TG: variants seen among roughly 807,000 people sequenced by gnomAD.
TG encodes the protein thyroid hormones.
Under a neutral mutation model 324.7 loss-of-function variants are expected in TG, and 270 were observed. The observed-to-expected ratio is 0.83, with a 90% CI of 0.75 to 0.92. TG has a LOEUF of 0.92. Ranked by LOEUF, TG falls within the 40% of genes least tolerant of loss-of-function variation. The pLI, the probability that TG is intolerant of heterozygous loss-of-function variation, is 0.00. For missense variants in TG, 3,591 were observed against 3,456.4 expected, an observed-to-expected ratio of 1.04 and a Z score of -0.98; for synonymous variants, 1,401 against 1,327.0, an observed-to-expected ratio of 1.06 and a Z score of -1.21.
At chr8:133,055,365 G>GCACACACA (rs869172140) in intron 41 of TG, among the ~76,000 whole-genome samples, 3 of 62,272 alleles carry the variant, frequency 4.8e-5, no homozygotes, top group East Asian at 3.6e-4. Flanking sequence ...ACGCACGCGC[G>GCACACACA]CACACACACA....
At chr8:132,868,292 C>A (rs1045018668) in intron 2 of TG, 69 bp downstream of exon 2, 3 of 1,410,562 alleles carry the variant, frequency 2.1e-6, no homozygotes, top group African/African-American at 1.4e-5. Context: ...TGCCTTCCCC[C>A]CTCTTCCTGA....
At chr8:132,988,237 C>A (rs1383275361) in intron 35 of TG, among the ~76,000 whole-genome samples, 1 of 152,084 alleles carries the variant, frequency 6.6e-6, no homozygotes, top group African/African-American at 2.4e-5. Context: ...GCAGGAAAAG[C>A]ACCACAAATA....
In TG at chr8:133,133,547, C is replaced by T. The variant is rs775377530; in HGVS notation, c.8075C>T (p.Ala2692Val). 7.1e-5 allele frequency: 115 copies of T among 1,614,062 alleles called. 1 individual carries two copies. Among genetic ancestry groups the T allele is most frequent in the South Asian group, 6.9e-4 (63 of 91,086 alleles). The change falls in exon 47 of 48, where the codon GCT becomes GTT. Residue 2692 changes from alanine to valine, a missense_variant. Coordinates refer to ENST00000220616, the MANE Select transcript of TG (RefSeq NM_003235.5). ...ATPWPDFVPRAGGENYKEFSE... is the reference protein window; with the variant it reads ...ATPWPDFVPRVGGENYKEFSE... Reference sequence around the variant, plus strand: ...CCCTGGCCTGACTTTGTACCCCGTGCTGGTGGAGAGAACTACAAGGAGTTC... The same window carrying T: ...CCCTGGCCTGACTTTGTACCCCGTGTTGGTGGAGAGAACTACAAGGAGTTC...
intron 28 of TG, among the ~76,000 whole-genome samples, chr8:132,961,602 G>C (rs1453567291): frequency 1.3e-5 from 2 of 152,128 alleles, no homozygotes; most frequent in Non-Finnish European, 2.9e-5. Context: ...CACGTTTTCT[G>C]AATGTTGACC....
chr8:132,886,853 C>T lies in TG; in HGVS notation c.1481C>T (p.Thr494Ile), dbSNP rs767101433. ...TCTGGAGCCCTTGGCACAAGAGGCA[C>T]ATTTAACTTCAGTCAATTTTTCCAG... is the stretch of plus-strand genomic sequence containing the variant. Reference protein sequence around the residue: ...NLSGALGTRGTFNFSQFFQQL... With the variant: ...NLSGALGTRGIFNFSQFFQQL... Residue 494 changes from threonine to isoleucine, a missense_variant, in exon 9 of 48, where the codon ACA becomes ATA. Transcript: ENST00000220616. The T allele has an allele frequency of 3.7e-6, 6 of 1,614,162 alleles. No homozygotes were observed. Among genetic ancestry groups the T allele is most frequent in the Non-Finnish European group, 5.1e-6 (6 of 1,180,022 alleles).
intron 35 of TG, among the ~76,000 whole-genome samples, chr8:133,004,723 C>G (rs1327183193): frequency 2.6e-5 from 4 of 152,108 alleles, no homozygotes; most frequent in African/African-American, 9.7e-5. Context: ...AGTGACTGAC[C>G]CTGCCAACCA....
At chr8:133,028,202 G>T (rs957370622) in intron 40 of TG, among the ~76,000 whole-genome samples, 8 of 152,184 alleles carry the variant, frequency 5.3e-5, no homozygotes, top group Non-Finnish European at 7.3e-5. Context: ...TTTCAGATTT[G>T]CAGGACTTGG....
chr8:133,125,974 A>G (rs912093658), intron 45 of TG, among the ~76,000 whole-genome samples: 1 of 152,244 alleles, frequency 6.6e-6, no homozygotes, highest in Non-Finnish European at 1.5e-5. Context: ...CTGAAACATC[A>G]GTTATCTTTT....
intron 35 of TG, among the ~76,000 whole-genome samples, chr8:133,009,812 T>G (rs906067201): frequency 2.0e-5 from 3 of 151,208 alleles, no homozygotes; most frequent in African/African-American, 7.3e-5. Flanking sequence ...CCCAATCATG[T>G]TGGCCCCCCG....
At chr8:132,910,959 C>T (rs1819432750) in intron 18 of TG, among the ~76,000 whole-genome samples, 1 of 152,168 alleles carries the variant, frequency 6.6e-6, no homozygotes, top group Non-Finnish European at 1.5e-5. Context: ...GGGCACAACT[C>T]AGCCACACTT....
At chr8:132,906,577 G>A in intron 16 of TG, 111 bp from the exon 17 acceptor site, 1 of 1,244,142 alleles carries the variant, frequency 8.0e-7, no homozygotes, top group Non-Finnish European at 1.1e-6. Flanking sequence ...CCAGGGAAGG[G>A]GAGAGGAGGA....
At chr8:133,110,541 C>A (rs1275251459) in intron 43 of TG, among the ~76,000 whole-genome samples, 1 of 152,202 alleles carries the variant, frequency 6.6e-6, no homozygotes, top group African/African-American at 2.4e-5. Context: ...CTTTCTTCAT[C>A]TAATAAAGCG....
At chr8:132,924,302 A>T (rs1306780283) in intron 22 of TG, among the ~76,000 whole-genome samples, 4 of 152,104 alleles carry the variant, frequency 2.6e-5, no homozygotes, top group Non-Finnish European at 5.9e-5. Flanking sequence ...TCACTCTCCC[A>T]ATGCTCACCT....
chr8:133,074,974 C>G, intron 41 of TG: 9 of 985,430 alleles, frequency 9.1e-6, no homozygotes, highest in Non-Finnish European at 1.1e-5. Flanking sequence ...CCGGGCTTCT[C>G]GCGGTTGTGG....
At chr8:132,972,449 G>A (rs982065520) in intron 33 of TG, 149 bp from the exon 34 acceptor site, 2 of 893,136 alleles carry the variant, frequency 2.2e-6, no homozygotes. Context: ...AGGTTTTTCA[G>A]CAGTGGCTGA....
At chr8:133,050,405 T>C (rs1196809735) in intron 41 of TG, 1 of 260,872 alleles carries the variant, frequency 3.8e-6, no homozygotes, top group African/African-American at 2.2e-5. Flanking sequence ...TAGCCCATAT[T>C]GAATCAGACT....
intron 10 of TG, among the ~76,000 whole-genome samples, chr8:132,889,609 A>T (rs1254456829): frequency 6.6e-6 from 1 of 152,160 alleles, no homozygotes; most frequent in Non-Finnish European, 1.5e-5. Flanking sequence ...GTTAGATAAG[A>T]AGTCTTATTT....
intron 41 of TG, chr8:133,060,118 G>A: frequency 6.2e-7 from 1 of 1,606,868 alleles, no homozygotes; most frequent in Non-Finnish European, 8.5e-7. Flanking sequence ...TTGGGCAGGG[G>A]CCTCTCGGCA....
At chr8:133,074,974 C>A in intron 41 of TG, 1 of 985,430 alleles carries the variant, frequency 1.0e-6, no homozygotes, top group Non-Finnish European at 1.2e-6. Flanking sequence ...CCGGGCTTCT[C>A]GCGGTTGTGG....
Sources: gnomAD v4.1 joint callset for allele counts (sites outside exome capture counted in the v4.1 genomes callset) on GRCh38, gnomAD v4.1.1 for gene constraint, MANE v1.5 for transcripts, NCBI Gene and HGNC (gene_info 2026-07-23, HGNC 2026-07-21) for gene names.